HNRNPK: variants seen among roughly 807,000 people sequenced by gnomAD.
HNRNPK encodes the protein heterogeneous nuclear ribonucleoprotein K, also known as dC-stretch binding protein.
Under a neutral mutation model 67.0 loss-of-function variants are expected in HNRNPK, and 7 were observed. The observed-to-expected ratio is 0.10, with a 90% CI of 0.06 to 0.20. The LOEUF (loss-of-function observed/expected upper bound fraction) is 0.20. HNRNPK is among the 10% of genes least tolerant of loss of function. The pLI is 1.00. For missense variants in HNRNPK, 264 were observed against 606.5 expected, an observed-to-expected ratio of 0.44 and a Z score of 5.93; for synonymous variants, 213 against 193.7, an observed-to-expected ratio of 1.10 and a Z score of -0.83.
chr9:83,978,899 GGCAATTGCGAACA>G (rs1252236395), intron 1 of HNRNPK, among the ~76,000 whole-genome samples: 3 of 152,062 alleles, frequency 2.0e-5, no homozygotes, highest in African/African-American at 4.8e-5. Flanking sequence ...CAAATACAAC[GGCAATTGCGAACA>G]CATCCAACAA....
Position 83,970,773 on chromosome 9 carries a change from TCCA to T in HNRNPK, c.1152_1154del (p.Gly385del), listed in dbSNP as rs759644134. On this transcript the variant is annotated inframe_deletion, in exon 15 of 17. Transcript: ENST00000376263. ...TAGTTACTTGTGTAGTAATAATAGGTCCACCAAGATCACCATATGAGCCACGAC... is the reference window on the plus strand; with the variant it reads ...TAGTTACTTGTGTAGTAATAATAGGTCCAAGATCACCATATGAGCCACGAC... The T allele has an allele frequency of 3.7e-6, 6 of 1,607,920 alleles. No individual in the cohort carries two copies. The highest frequency in any genetic ancestry group is 1.7e-5 in the Admixed American group (1 of 59,988).
chr9:83,971,525 C>A, intron 12 of HNRNPK, 147 bp downstream of exon 12: 1 of 816,690 alleles, frequency 1.2e-6, no homozygotes, highest in Non-Finnish European at 2.1e-6. Context: ...CCTCCAGCAG[C>A]AAATAACAGA....
chr9:83,976,366 A>G (rs1479295766), intron 5 of HNRNPK: 1 of 152,498 alleles, frequency 6.6e-6, no homozygotes, highest in African/African-American at 2.4e-5. Context: ...CAAGTCCTAT[A>G]AATGTGCTCA....
intron 6 of HNRNPK, 138 bp from the exon 7 acceptor site, chr9:83,974,727 A>AT (rs1363247940): frequency 1.6e-6 from 1 of 612,466 alleles, no homozygotes; most frequent in Non-Finnish European, 2.9e-6. Flanking sequence ...AAAGTAGCCT[A>AT]TTTATAGATT....
At position 83,978,363 on chromosome 9, in the gene HNRNPK, T is replaced by C. The variant is rs1957169784; in HGVS notation, c.-28+10A>G. ...AAAAAAAAAAAAAAGACATTGCTTC[T>C]AGAACGTACCAGTTATTATATATCC... On this transcript the variant is annotated intron_variant, in intron 2 of 16. Transcript: ENST00000376263. 3 of 1,508,144 alleles carry C rather than the reference T, an allele frequency of 2.0e-6. No individual in the cohort carries two copies. In the East Asian group the frequency reaches 6.9e-5, roughly 35 times the overall value. The allele number at this position is 1,508,144 out of a possible 1,614,324, so 93.4% of individuals were successfully genotyped here. A position where few individuals can be genotyped will look rare whatever the true frequency, so the allele number is the denominator to read the frequency against.
Position 83,973,883 on chromosome 9 carries a change from C to T in HNRNPK, c.402+19G>A. On this transcript the variant is annotated intron_variant, in intron 8 of 16. Transcript: ENST00000376263. ...CCAGGCTCCATACTTCAGTGGGGTT[C>T]AATGGCACTATGACATACATTTAAG... The T allele has an allele frequency of 6.3e-7, 1 of 1,596,636 alleles. No individual in the cohort carries two copies. The highest frequency in any genetic ancestry group is 8.6e-7 in the Non-Finnish European group (1 of 1,164,582).
chr9:83,977,380 A>G (rs946277099), intron 4 of HNRNPK, among the ~76,000 whole-genome samples: 4 of 152,196 alleles, frequency 2.6e-5, no homozygotes, highest in African/African-American at 9.6e-5. Flanking sequence ...ACCTGTGATC[A>G]AACAATAAAC....
chr9:83,978,769 G>A (rs1035367504), intron 1 of HNRNPK, among the ~76,000 whole-genome samples: 1 of 152,192 alleles, frequency 6.6e-6, no homozygotes. Flanking sequence ...ATACATTTAT[G>A]AAAAGTTACA....
At position 83,970,642 on chromosome 9, in the gene HNRNPK, ATT is replaced by A. The variant is rs3214660; in HGVS notation, c.1191+93_1191+94del. 204,030 of 893,360 alleles carry A rather than the reference ATT, an allele frequency of 0.23. 25,270 individuals carry two copies. The highest frequency in any genetic ancestry group is 0.26 in the Non-Finnish European group (148,921 of 564,718). 55.3% of individuals were successfully genotyped at this position (893,360 alleles called of 1,614,324 possible). On this transcript the variant is annotated intron_variant, in intron 15 of 16. Coordinates refer to ENST00000376263, the MANE Select transcript of HNRNPK (RefSeq NM_031263.4). ...AACATAACCTCAATCCTAAATGTGT[ATT>A]TTTGTTAAAACCTTCTGAATTAAAA...
At chr9:83,974,104 A>T in intron 7 of HNRNPK, 131 bp from the exon 8 acceptor site, 1 of 569,612 alleles carries the variant, frequency 1.8e-6, no homozygotes, top group Non-Finnish European at 3.1e-6. Flanking sequence ...GCTTTATTCA[A>T]CATTAAGACG....
In HNRNPK at chr9:83,977,796, A is replaced by G. The variant is rs371276220; in HGVS notation, c.59-10T>C. Reference sequence around the variant, plus strand: ...TCTGCAGGGCGTTTACCTAAAAATTAACAGTTCACATTTCAAAGAAAGCAG... The same window carrying G: ...TCTGCAGGGCGTTTACCTAAAAATTGACAGTTCACATTTCAAAGAAAGCAG... On this transcript the variant is annotated splice_polypyrimidine_tract_variant and intron_variant, in intron 3 of 16. Transcript: ENST00000376263. 1.4e-4 allele frequency: 215 copies of G among 1,522,216 alleles called. No individual in the cohort carries two copies. Among genetic ancestry groups the G allele is most frequent in the Non-Finnish European group, 1.8e-4 (194 of 1,099,530 alleles). The allele number at this position is 1,522,216 out of a possible 1,614,324, so 94.3% of individuals were successfully genotyped here.
At position 83,971,665 on chromosome 9, in the gene HNRNPK, T is replaced by C. The variant is rs370205949; in HGVS notation, c.1008+7A>G. On this transcript the variant is annotated splice_region_variant and intron_variant, in intron 12 of 16. Coordinates refer to ENST00000376263, the MANE Select transcript of HNRNPK (RefSeq NM_031263.4). ...CCAACACACTGGTAATAAACCAAAG[T>C]TCTTACCATGCCGTCGTAACGGTCT... The C allele has an allele frequency of 1.2e-4, 193 of 1,611,676 alleles. No individual in the cohort carries two copies. The highest frequency in any genetic ancestry group is 1.6e-4 in the Non-Finnish European group (189 of 1,177,888).
intron 3 of HNRNPK, among the ~76,000 whole-genome samples, 159 bp downstream of exon 3, chr9:83,978,036 T>C (rs1166920873): frequency 6.6e-6 from 1 of 152,146 alleles, no homozygotes; most frequent in Admixed American, 6.5e-5. Context: ...TTACTTCTAC[T>C]TCATAAATAA....
intron 6 of HNRNPK, among the ~76,000 whole-genome samples, chr9:83,975,105 G>A (rs980906079): frequency 1.3e-5 from 2 of 152,156 alleles, no homozygotes; most frequent in Non-Finnish European, 2.9e-5. Context: ...GTGAAGGAAA[G>A]TGAACCAGAG....
intron 5 of HNRNPK, chr9:83,976,573 A>G (rs1202884351): frequency 6.5e-6 from 1 of 154,640 alleles, no homozygotes; most frequent in Non-Finnish European, 1.4e-5. Flanking sequence ...GCTGTTAAAG[A>G]ACAGATGGAC....
intron 10 of HNRNPK, 26 bp downstream of exon 10, chr9:83,972,818 T>C (rs907661630): frequency 6.5e-7 from 1 of 1,548,240 alleles, no homozygotes; most frequent in Non-Finnish European, 8.8e-7. Context: ...TAAAATCAAA[T>C]GTAAACAAAA....
intron 6 of HNRNPK, among the ~76,000 whole-genome samples, chr9:83,974,841 T>C (rs1248718908): frequency 1.3e-5 from 2 of 152,190 alleles, no homozygotes; most frequent in African/African-American, 4.8e-5. Flanking sequence ...TCAGATTAAG[T>C]GGGCAATAAA....
chr9:83,974,573 C>T lies in HNRNPK; in HGVS notation c.274G>A (p.Ala92Thr). 1 of 1,603,278 alleles carries T rather than the reference C, an allele frequency of 6.2e-7. No individual in the cohort carries two copies. Among genetic ancestry groups the T allele is most frequent in the Non-Finnish European group, 8.5e-7 (1 of 1,173,174 alleles). The change falls in exon 7 of 17, where the codon GCT (alanine) becomes ACT (threonine). Residue 92 changes from alanine (A) to threonine (T), a missense_variant. Physicochemically the swap from Ala to Thr is moderately conservative, Grantham distance 58. Coordinates refer to ENST00000376263, the MANE Select transcript of HNRNPK (RefSeq NM_031263.4). ...SGPERILSIS[A>T]DIETIGEILK... ...ATTTCTCCAATTGTTTCAATATCAGCACTGATACTCAATATGCTGTCAAAC... is the reference window on the plus strand; with the variant it reads ...ATTTCTCCAATTGTTTCAATATCAGTACTGATACTCAATATGCTGTCAAAC...
In HNRNPK at chr9:83,969,423, T is replaced by A; in HGVS notation, c.1379A>T (p.Asp460Val). 1 of 1,591,692 alleles carries A rather than the reference T, an allele frequency of 6.3e-7. No individual in the cohort carries two copies. The change falls in exon 17 of 17, where the codon GAT (aspartate) becomes GTT (valine). Residue 460 changes from aspartate to valine, a missense_variant. By Grantham distance (152) the Asp-to-Val change is radical (BLOSUM62 -3). Transcript: ENST00000376263. ...LLQNSVKQYA[D>V]VEGF is the part of the protein sequence containing the mutation. ...TATCTTGCATTAGAATCCTTCAACATCTGCATACTGCTTCACACTATAAAA... is the reference window on the plus strand; with the variant it reads ...TATCTTGCATTAGAATCCTTCAACAACTGCATACTGCTTCACACTATAAAA...
Sources: allele counts gnomAD v4.1 joint callset (sites outside exome capture counted in the v4.1 genomes callset), GRCh38; gene constraint gnomAD v4.1.1; transcripts MANE v1.5; gene names NCBI Gene and HGNC (gene_info 2026-07-23, HGNC 2026-07-21).